Variants in TENM1 observed in about 807,000 individuals in gnomAD.
TENM1 encodes the protein teneurin transmembrane protein 1, also known as teneurin-1.
A neutral mutation model predicts 174.8 loss-of-function variants in TENM1; 35 were observed. That is an observed-to-expected ratio of 0.20 (90% CI 0.15 to 0.27). TENM1 has a LOEUF of 0.27. TENM1 is among the 10% of genes least tolerant of loss of function. The pLI is 1.00. For synonymous variants in TENM1, 781 were observed against 798.7 expected, an observed-to-expected ratio of 0.98 and a Z score of 0.37; for missense variants, 1,633 against 2,130.1, an observed-to-expected ratio of 0.77 and a Z score of 4.59.
chrX:124,682,526 T>C (rs1424398347), intron 5 of TENM1, among the ~76,000 whole-genome samples: 1 of 111,231 alleles, frequency 9.0e-6, no homozygotes, highest in Non-Finnish European at 1.9e-5. Flanking sequence ...AATCATGCTA[T>C]GTTAGAGCTC....
At chrX:124,593,066 C>T (rs182562970) in intron 11 of TENM1, among the ~76,000 whole-genome samples, 5 of 111,433 alleles carry the variant, frequency 4.5e-5, no homozygotes, top group African/African-American at 1.6e-4. Context: ...CTGCTCAGCC[C>T]TAGGGTTGTG....
intron 22 of TENM1, among the ~76,000 whole-genome samples, chrX:124,457,391 A>C (rs1473053209): frequency 8.9e-6 from 1 of 111,910 alleles, no homozygotes; most frequent in African/African-American, 3.2e-5. Flanking sequence ...TCTTGTAAAA[A>C]AATTATTCAC....
the TENM1 span, among the ~76,000 whole-genome samples, chrX:125,160,597 A>C: frequency 1.9e-5 from 2 of 107,448 alleles, no homozygotes; most frequent in Non-Finnish European, 3.9e-5. Flanking sequence ...AAAGAAAAGA[A>C]ATTGGGTACA....
At chrX:125,119,407 A>T in the TENM1 span, among the ~76,000 whole-genome samples, 1 of 109,298 alleles carries the variant, frequency 9.1e-6, no homozygotes, top group Admixed American at 9.8e-5. Flanking sequence ...ATAAATGTGC[A>T]CTATTTTGGG....
chrX:124,470,447 G>C (rs2061287073), intron 22 of TENM1, among the ~76,000 whole-genome samples: 1 of 111,017 alleles, frequency 9.0e-6, no homozygotes, highest in Admixed American at 9.6e-5. Context: ...GTTAAAATTG[G>C]TTATCTTTAC....
chrX:124,585,230 T>C (rs2049465270), intron 11 of TENM1, among the ~76,000 whole-genome samples: 1 of 111,602 alleles, frequency 9.0e-6, no homozygotes. Context: ...CAACAGAATA[T>C]ACATTTTGTT....
chrX:124,606,900 C>T (rs1228864287), intron 11 of TENM1, among the ~76,000 whole-genome samples: 2 of 110,693 alleles, frequency 1.8e-5, no homozygotes, highest in African/African-American at 6.6e-5. Flanking sequence ...TACCCAGCAA[C>T]AGGTGCTCAG....
intron 1 of TENM1, among the ~76,000 whole-genome samples, chrX:124,914,670 C>A (rs1412982313): frequency 1.8e-5 from 2 of 111,511 alleles, no homozygotes; most frequent in Non-Finnish European, 3.8e-5. Flanking sequence ...CCCATACCAT[C>A]ATTTTTATCT....
intron 3 of TENM1, among the ~76,000 whole-genome samples, chrX:124,773,762 A>G (rs1327675042): frequency 8.9e-6 from 1 of 111,821 alleles, no homozygotes; most frequent in Non-Finnish European, 1.9e-5. Context: ...ACTGAAAGAA[A>G]TCTGCCCACT....
the TENM1 span, among the ~76,000 whole-genome samples, chrX:125,155,242 T>A: frequency 8.9e-6 from 1 of 111,929 alleles, no homozygotes; most frequent in South Asian, 3.8e-4. Context: ...ATACAGAATG[T>A]CGATTGGTGC....
intron 3 of TENM1, among the ~76,000 whole-genome samples, chrX:124,762,908 CTGTAGTCTTTACTG>C (rs959817422): frequency 1.1e-4 from 12 of 111,255 alleles, no homozygotes; most frequent in Non-Finnish European, 1.7e-4. Flanking sequence ...GTGTATGATG[CTGTAGTCTTTACTG>C]TGTAGTCTTT....
chrX:125,102,162 C>G, the TENM1 span, among the ~76,000 whole-genome samples: 1 of 110,240 alleles, frequency 9.1e-6, no homozygotes, highest in Admixed American at 9.7e-5. Flanking sequence ...CACAGAATTT[C>G]TGTAAGCAAA....
At chrX:124,575,318 C>T (rs2049143439) in intron 11 of TENM1, among the ~76,000 whole-genome samples, 1 of 111,814 alleles carries the variant, frequency 8.9e-6, no homozygotes, top group Non-Finnish European at 1.9e-5. Flanking sequence ...GTCCCTCAGC[C>T]TCAGCTTTAC....
chrX:124,678,170 T>C (rs1205092819), intron 5 of TENM1, among the ~76,000 whole-genome samples: 2 of 110,758 alleles, frequency 1.8e-5, no homozygotes, highest in African/African-American at 6.6e-5. Flanking sequence ...AATTAGGAAA[T>C]GTGGCAGATC....
the TENM1 span, among the ~76,000 whole-genome samples, chrX:125,022,719 G>A: frequency 0.14 from 15,320 of 110,941 alleles, 875 homozygotes; most frequent in South Asian, 0.2. Context: ...GAACAAGGCA[G>A]TTCTTACTAA....
At chrX:124,953,232 C>A (rs751239015) in intron 1 of TENM1, among the ~76,000 whole-genome samples, 1 of 111,900 alleles carries the variant, frequency 8.9e-6, no homozygotes, top group Non-Finnish European at 1.9e-5. Flanking sequence ...AATGCCATTT[C>A]TGAATCTTCC....
At chrX:124,653,217 T>A (rs2051354956) in intron 7 of TENM1, among the ~76,000 whole-genome samples, 1 of 111,762 alleles carries the variant, frequency 8.9e-6, no homozygotes, top group East Asian at 2.8e-4. Flanking sequence ...CTGATTAATA[T>A]GCGTTCCTTC....
chrX:124,737,638 A>G (rs2053705631), intron 3 of TENM1, among the ~76,000 whole-genome samples: 1 of 111,985 alleles, frequency 8.9e-6, no homozygotes. Context: ...ATAAAAATAT[A>G]AGGCCACCTT....
chrX:124,633,657 A>G (rs1479154851), intron 11 of TENM1, among the ~76,000 whole-genome samples: 2 of 111,154 alleles, frequency 1.8e-5, no homozygotes, highest in Non-Finnish European at 3.8e-5. Context: ...TTGTATAAAG[A>G]TAAAGAATTT....
Sources: gnomAD v4.1 joint callset for allele counts (sites outside exome capture counted in the v4.1 genomes callset) on GRCh38, gnomAD v4.1.1 for gene constraint, MANE v1.5 for transcripts, NCBI Gene and HGNC (gene_info 2026-07-23, HGNC 2026-07-21) for gene names.